CHRM1: variants seen among roughly 807,000 people sequenced by gnomAD.
CHRM1 encodes the protein muscarinic acetylcholine receptor M1.
Under a neutral mutation model 31.6 loss-of-function variants are expected in CHRM1, and 5 were observed. The ratio of observed to expected loss-of-function variants is 0.16; its 90% CI spans 0.08 to 0.33. The LOEUF is 0.33. Ranked by LOEUF, CHRM1 falls within the 10% of genes least tolerant of loss-of-function variation. The pLI is 1.00. For missense variants in CHRM1, 338 were observed against 610.3 expected, an observed-to-expected ratio of 0.55 and a Z score of 4.70; for synonymous variants, 227 against 249.7, an observed-to-expected ratio of 0.91 and a Z score of 0.86.
At chr11:62,920,675 T>G (rs1463547272) in intron 1 of CHRM1, 1 of 152,010 alleles carries the variant, frequency 6.6e-6, no homozygotes, top group Non-Finnish European at 1.5e-5. Flanking sequence ...ACACCCACCT[T>G]GGCTTCTAGC....
At chr11:62,918,628 A>G (rs550869354) in intron 1 of CHRM1, among the ~76,000 whole-genome samples, 1 of 152,332 alleles carries the variant, frequency 6.6e-6, no homozygotes, top group South Asian at 2.1e-4. Flanking sequence ...GCCAGGACAG[A>G]CATGGACGTG....
rs746228202 is a variant in CHRM1 at position 62,910,223 on chromosome 11, C to A, written c.878G>T (p.Gly293Val). The change falls in exon 2 of 2, where the codon GGA (glycine) becomes GTA (valine). Residue 293 changes from glycine (G) to valine (V), a missense_variant. By Grantham distance (109) the Gly-to-Val change is moderately radical (BLOSUM62 -3). Around this residue, in one of 4 missense-constraint regions of CHRM1, gnomAD observed 183 missense variants for 223.4 expected, o/e 0.82. Transcript: ENST00000306960. The surrounding 1 kb of genome is among the most constrained non-coding windows in gnomAD (Gnocchi z 8.7). ...GSMESLTSSE[G>V]EEPGSEVVIK... ...CACCACTTCGGAGCCAGGCTCCTCT[C>A]CCTCTGAGGATGTGAGGGACTCCAT... is the stretch of plus-strand genomic sequence containing the variant. The A allele has an allele frequency of 6.2e-7, 1 of 1,609,922 alleles. No homozygotes were observed.
In CHRM1 at chr11:62,909,961, C is replaced by A; in HGVS notation, c.1140G>T (p.Pro380=). Residue 380 remains proline (P), a synonymous_variant, in exon 2 of 2, where the codon CCG becomes CCT. Coordinates refer to ENST00000306960, the MANE Select transcript of CHRM1 (RefSeq NM_000738.3). ...TGGACACCAGCACCATGATGTTGTA[C>A]GGTGTCCAGGTGAGGATGAAGGCCA... is the stretch of plus-strand genomic sequence containing the variant. ...ILLAFILTWT[P]YNIMVLVSTF... The A allele has an allele frequency of 5.0e-6, 8 of 1,614,146 alleles. No individual in the cohort carries two copies. Among genetic ancestry groups the A allele is most frequent in the Non-Finnish European group, 6.8e-6 (8 of 1,180,010 alleles).
At position 62,910,744 on chromosome 11, in the gene CHRM1, G is replaced by A; in HGVS notation, c.357C>T (p.Ile119=). The A allele has an allele frequency of 6.2e-7, 1 of 1,614,228 alleles. No homozygotes were observed. The highest frequency in any genetic ancestry group is 8.5e-7 in the Non-Finnish European group (1 of 1,180,044). The part of the protein sequence containing the change: ...SNASVMNLLL[I]SFDRYFSVTR... ...TCACGGAGAAGTAGCGGTCAAAGCT[G>A]ATGAGCAGCAGATTCATGACGGAGG... The change falls in exon 2 of 2, where the codon ATC becomes ATT. Residue 119 remains isoleucine (I), a synonymous_variant. Coordinates refer to ENST00000306960, the MANE Select transcript of CHRM1 (RefSeq NM_000738.3). The surrounding 1 kb of genome is among the most constrained non-coding windows in gnomAD (Gnocchi z 8.7).
rs966222651 is a variant in CHRM1 at position 62,908,684 on chromosome 11, G to A, written c.*1034C>T. The A allele has an allele frequency of 2.0e-5, 3 of 152,786 alleles. No individual in the cohort carries two copies. Among genetic ancestry groups the A allele is most frequent in the Admixed American group, 6.5e-5 (1 of 15,290 alleles). The allele number at this position is 152,786 out of a possible 1,614,324, so 9.5% of individuals were successfully genotyped here. ...CAGTTAGGAAGGCCCCTTAGTGCCC[G>A]CTGGTTATGTGGCTTTATTCACAGA... On this transcript the variant is annotated 3_prime_UTR_variant, in exon 2 of 2. Transcript: ENST00000306960.
intron 1 of CHRM1, chr11:62,917,980 G>A (rs998135823): frequency 1.3e-5 from 2 of 152,082 alleles, no homozygotes; most frequent in African/African-American, 4.8e-5. Context: ...AGACCTGAAG[G>A]ACCTTACAGC....
rs763560049 is a variant in CHRM1 at position 62,910,027 on chromosome 11, G to A, written c.1074C>T (p.Val358=). The change falls in exon 2 of 2, where the codon GTC becomes GTT. Residue 358 remains valine (V), a synonymous_variant. Coordinates refer to ENST00000306960, the MANE Select transcript of CHRM1 (RefSeq NM_000738.3). The surrounding 1 kb of genome is among the most constrained non-coding windows in gnomAD (Gnocchi z 8.7). The part of the protein sequence containing the change: ...QLAKRKTFSL[V]KEKKAARTLS... ...GGGTCCGAGCCGCCTTCTTCTCCTT[G>A]ACCAGCGAGAAGGTCTTCCGCTTGG... The A allele has an allele frequency of 6.8e-6, 11 of 1,613,718 alleles. No homozygotes were observed. In the East Asian group the frequency reaches 2.5e-4, roughly 36 times the overall value.
chr11:62,918,630 A>G (rs1590652887), intron 1 of CHRM1, among the ~76,000 whole-genome samples: 1 of 152,218 alleles, frequency 6.6e-6, no homozygotes, highest in East Asian at 1.9e-4. Flanking sequence ...CAGGACAGAC[A>G]TGGACGTGCC....
At chr11:62,912,175 TG>T (rs2085874601) in intron 1 of CHRM1, among the ~76,000 whole-genome samples, 1 of 151,878 alleles carries the variant, frequency 6.6e-6, no homozygotes, top group South Asian at 2.1e-4. Flanking sequence ...GAGACCATCC[TG>T]GCTAACATGG....
rs547852360 is a variant in CHRM1, at chr11:62,913,003, G to A, written c.-78-1825C>T. 3.3e-5 allele frequency among the ~76,000 whole-genome samples: 5 copies of A among 152,300 alleles called. No individual in the cohort carries two copies. The East Asian group carries it at 5.8e-4, about 18-fold the overall frequency. ...TCAGTGTGTACAAGTCACTGACAGCGTGGCGAGTTCAGTGGGGGACAGAAT... is the reference window on the plus strand; with the variant it reads ...TCAGTGTGTACAAGTCACTGACAGCATGGCGAGTTCAGTGGGGGACAGAAT... On this transcript the variant is annotated intron_variant, in intron 1 of 1. Transcript: ENST00000306960.
chr11:62,913,866 A>T (rs1241853454), intron 1 of CHRM1, among the ~76,000 whole-genome samples: 1 of 149,488 alleles, frequency 6.7e-6, no homozygotes, highest in African/African-American at 2.5e-5. Context: ...TTTTTTTGAG[A>T]TGGAGTCTCG....
intron 1 of CHRM1, chr11:62,918,065 C>T (rs542269): frequency 0.79 from 119,626 of 152,072 alleles, 47,692 homozygotes; most frequent in African/African-American, 0.93. Context: ...CTACTCCTGC[C>T]CTTGAGGGGT....
chr11:62,915,695 G>A (rs73490010), intron 1 of CHRM1, among the ~76,000 whole-genome samples: 2,376 of 152,236 alleles, frequency 0.016, 58 homozygotes, highest in African/African-American at 0.054. Context: ...TCAGTAACCA[G>A]TCGACCTTTC....
At chr11:62,916,161 C>A (rs1031387783) in intron 1 of CHRM1, among the ~76,000 whole-genome samples, 3 of 152,210 alleles carry the variant, frequency 2.0e-5, no homozygotes. Flanking sequence ...CCTCTTCCCA[C>A]CATGCCGCTT....
chr11:62,909,359 A>C lies in CHRM1; in HGVS notation c.*359T>G. ...ATCTGGGCCGCTGCTGGGCCAAGGA[A>C]TACTTAATGTTAAGCCTTCTTTCTC... On this transcript the variant is annotated 3_prime_UTR_variant, in exon 2 of 2. Coordinates refer to ENST00000306960, the MANE Select transcript of CHRM1 (RefSeq NM_000738.3). The C allele has an allele frequency of 1.3e-5, 3 of 228,362 alleles. No homozygotes were observed. Among genetic ancestry groups the C allele is most frequent in the African/African-American group, 2.3e-5 (1 of 43,938 alleles). 14.1% of individuals were successfully genotyped at this position (228,362 alleles called of 1,614,324 possible). A position where few individuals can be genotyped will look rare whatever the true frequency, so the allele number is the denominator to read the frequency against.
chr11:62,915,126 G>A (rs559162000), intron 1 of CHRM1, among the ~76,000 whole-genome samples: 31 of 131,248 alleles, frequency 2.4e-4, no homozygotes, highest in Middle Eastern at 5.5e-3. Context: ...AGTGAGCCGC[G>A]ATCACGCCAC....
intron 1 of CHRM1, 85 bp from the exon 2 acceptor site, chr11:62,911,263 G>A (rs942929565): frequency 2.9e-6 from 2 of 689,300 alleles, no homozygotes; most frequent in Non-Finnish European, 4.8e-6. Flanking sequence ...TGTAATTCTT[G>A]CCCTTGCAGA....
chr11:62,913,121 A>G (rs1201675720), intron 1 of CHRM1, among the ~76,000 whole-genome samples: 3 of 152,222 alleles, frequency 2.0e-5, no homozygotes, highest in African/African-American at 4.8e-5. Context: ...GAGCCAGACT[A>G]TCTGGATTTG....
chr11:62,909,846 C>T lies in CHRM1; in HGVS notation c.1255G>A (p.Ala419Thr), dbSNP rs1449918441. The change falls in exon 2 of 2, where the codon GCA becomes ACA. Residue 419 changes from alanine to threonine, a missense_variant. Physicochemically the swap from Ala to Thr is moderately conservative, Grantham distance 58. Coordinates refer to ENST00000306960, the MANE Select transcript of CHRM1 (RefSeq NM_000738.3). ...VNSTINPMCY[A>T]LCNKAFRDTF... ...TCCCGGAAGGCTTTGTTGCAGAGTG[C>T]GTAGCACATGGGGTTGATGGTGCTG... 7 of 1,614,134 alleles carry T rather than the reference C, an allele frequency of 4.3e-6. No individual in the cohort carries two copies. Among genetic ancestry groups the T allele is most frequent in the East Asian group, 4.5e-5 (2 of 44,894 alleles).
Sources: gnomAD v4.1 joint callset for allele counts (sites outside exome capture counted in the v4.1 genomes callset) on GRCh38, gnomAD v4.1.1 for gene constraint, gnomAD v4.1.1 regional missense constraint, Gnocchi (gnomAD v3.1) non-coding constraint, MANE v1.5 for transcripts, NCBI Gene and HGNC (gene_info 2026-07-23, HGNC 2026-07-21) for gene names.